The following RBMS1 variants were observed in gnomAD, a reference collection of about 807,000 sequenced individuals.
RBMS1 encodes the protein RNA binding motif single stranded interacting protein 1.
A neutral mutation model predicts 62.3 loss-of-function variants in RBMS1; 17 were observed. That is an observed-to-expected ratio of 0.27 (90% confidence interval 0.19 to 0.41). The LOEUF (loss-of-function observed/expected upper bound fraction) is 0.41, where lower values mean the gene tolerates loss of function less well. Ranked by LOEUF, RBMS1 falls within the 10% of genes least tolerant of loss-of-function variation. RBMS1 has a pLI of 1.00. For synonymous variants in RBMS1, 172 were observed against 170.0 expected (o/e 1.01, Z -0.09); for missense variants, 334 against 504.5 (o/e 0.66, Z 3.24).
intron 1 of RBMS1, among the ~76,000 whole-genome samples, chr2:160,423,468 G>A (rs1696516343): frequency 6.6e-6 from 1 of 152,020 alleles, no homozygotes; most frequent in Non-Finnish European, 1.5e-5. Context: ...TCCGTCAGTG[G>A]ACGTTTGCAC....
chr2:160,380,455 A>G (rs1694228162), intron 1 of RBMS1, among the ~76,000 whole-genome samples: 1 of 152,226 alleles, frequency 6.6e-6, no homozygotes, highest in African/African-American at 2.4e-5. Flanking sequence ...TAAACAGAAA[A>G]AAGCAGTAGC....
intron 3 of RBMS1, among the ~76,000 whole-genome samples, chr2:160,317,938 C>T (rs1437763342): frequency 1.3e-5 from 2 of 152,060 alleles, no homozygotes; most frequent in African/African-American, 4.8e-5. Context: ...ACTCTACTGG[C>T]GTCAAATCTG....
chr2:160,445,589 A>T (rs541566043), intron 1 of RBMS1, among the ~76,000 whole-genome samples: 85 of 152,336 alleles, frequency 5.6e-4, no homozygotes, highest in Non-Finnish European at 9.1e-4. Context: ...TAACTGTGGA[A>T]ATCAATACAG....
At chr2:160,300,558 G>A in intron 6 of RBMS1, 93 bp downstream of exon 6, 2 of 1,396,276 alleles carry the variant, frequency 1.4e-6, no homozygotes, top group African/African-American at 1.5e-5. Context: ...AGTGAAATGA[G>A]GGGTTTTTGT....
chr2:160,449,070 C>T (rs1253859657), intron 1 of RBMS1, among the ~76,000 whole-genome samples: 1 of 151,730 alleles, frequency 6.6e-6, no homozygotes, highest in Non-Finnish European at 1.5e-5. Context: ...GCTGCCCCGT[C>T]TGGGAAGTGA....
chr2:160,294,761 C>T (rs1295949753), intron 6 of RBMS1, among the ~76,000 whole-genome samples: 3 of 152,062 alleles, frequency 2.0e-5, no homozygotes, highest in South Asian at 2.1e-4. Context: ...TTAAATAAAC[C>T]GTCTTCTGAC....
chr2:160,377,212 A>C (rs1694047677), intron 1 of RBMS1, among the ~76,000 whole-genome samples: 1 of 152,206 alleles, frequency 6.6e-6, no homozygotes, highest in African/African-American at 2.4e-5. Context: ...TTTGTGAAAC[A>C]ATATTTTCCT....
rs1559621626 is a variant in RBMS1, at chr2:160,493,557, CTCCTCCTCCTCCTCT to C, written c.-209_-195del. 5 of 620,130 alleles carry C rather than the reference CTCCTCCTCCTCCTCT, an allele frequency of 8.1e-6. No individual in the cohort carries two copies. Among genetic ancestry groups the C allele is most frequent in the Admixed American group, 5.5e-5 (2 of 36,438 alleles). 38.4% of individuals were successfully genotyped at this position (620,130 alleles called of 1,614,324 possible). A position where few individuals can be genotyped will look rare whatever the true frequency, so the allele number is the denominator to read the frequency against. ...CCTCCTCCTCTTCCTCCTCCTCCTC[CTCCTCCTCCTCCTCT>C]TCCTCCTCCTCCTCCTCCTCCCAGG... On this transcript the variant is annotated 5_prime_UTR_variant, in exon 1 of 14. Coordinates refer to ENST00000348849, the MANE Select transcript of RBMS1 (RefSeq NM_016836.4).
chr2:160,481,770 TA>T (rs1685382226), intron 1 of RBMS1, among the ~76,000 whole-genome samples: 1 of 152,194 alleles, frequency 6.6e-6, no homozygotes, highest in African/African-American at 2.4e-5. Context: ...TCAACATCAC[TA>T]ATCATCAGGA....
intron 2 of RBMS1, among the ~76,000 whole-genome samples, chr2:160,350,281 T>C (rs1692425456): frequency 6.6e-6 from 1 of 152,076 alleles, no homozygotes; most frequent in Admixed American, 6.5e-5. Context: ...TCTGCTCCCA[T>C]CCAAGATCAT....
intron 1 of RBMS1, among the ~76,000 whole-genome samples, chr2:160,438,932 C>A (rs1574059268): frequency 6.7e-6 from 1 of 149,162 alleles, no homozygotes; most frequent in Non-Finnish European, 1.5e-5. Flanking sequence ...GCTGGCCGGG[C>A]AGAGGGGCTC....
rs578080397 is a variant in RBMS1, at chr2:160,421,361, T to C, written c.76-53970A>G. Among the ~76,000 whole-genome samples the C allele has an allele frequency of 1.0e-4, 15 of 150,382 alleles. No individual in the cohort carries two copies. In the East Asian group the frequency reaches 2.6e-3, roughly 26 times the overall value. On this transcript the variant is annotated intron_variant, in intron 1 of 13. Transcript: ENST00000348849. ...CCCTTCCTGTATCCAAGTGTTCTCATTGTTCAATTCCCACCTATGAGTGAG... is the reference window on the plus strand; with the variant it reads ...CCCTTCCTGTATCCAAGTGTTCTCACTGTTCAATTCCCACCTATGAGTGAG...
intron 1 of RBMS1, among the ~76,000 whole-genome samples, chr2:160,390,688 C>CAAAAA (rs34478081): frequency 4.9e-5 from 3 of 60,622 alleles, no homozygotes; most frequent in African/African-American, 1.2e-4. Flanking sequence ...GACCCAGTCT[C>CAAAAA]AAAAAAAAAA....
intron 11 of RBMS1, chr2:160,278,330 T>C (rs1191932712): frequency 1.7e-6 from 1 of 577,134 alleles, no homozygotes; most frequent in African/African-American, 1.9e-5. Flanking sequence ...GGGTGCTATA[T>C]TCTCGTAAAG....
chr2:160,447,001 ACTCC>A (rs1683681628), intron 1 of RBMS1, among the ~76,000 whole-genome samples: 1 of 152,236 alleles, frequency 6.6e-6, no homozygotes, highest in Non-Finnish European at 1.5e-5. Flanking sequence ...ACTAATGCTT[ACTCC>A]AGGCAGGCAG....
At chr2:160,466,368 ATTGATGC>A (rs2105338408) in intron 1 of RBMS1, among the ~76,000 whole-genome samples, 1 of 152,268 alleles carries the variant, frequency 6.6e-6, no homozygotes, top group South Asian at 2.1e-4. Context: ...TTTGCTTTCA[ATTGATGC>A]TTTGCCAAAC....
intron 1 of RBMS1, among the ~76,000 whole-genome samples, chr2:160,461,480 T>C (rs1312078152): frequency 1.3e-5 from 2 of 152,220 alleles, no homozygotes; most frequent in African/African-American, 4.8e-5. Context: ...TGACTTCCTG[T>C]CCCTTTCATT....
intron 4 of RBMS1, 60 bp downstream of exon 4, chr2:160,313,096 C>A: frequency 1.3e-6 from 2 of 1,513,678 alleles, no homozygotes; most frequent in Admixed American, 1.7e-5. Context: ...AAAAGCAGAC[C>A]TGTCGGGCTT....
At chr2:160,361,594 A>C (rs1693131665) in intron 2 of RBMS1, among the ~76,000 whole-genome samples, 1 of 152,228 alleles carries the variant, frequency 6.6e-6, no homozygotes, top group South Asian at 2.1e-4. Flanking sequence ...TTATGTTTAC[A>C]CTATATTGTA....
Sources: gnomAD v4.1 joint callset for allele counts (sites outside exome capture counted in the v4.1 genomes callset) on GRCh38, gnomAD v4.1.1 for gene constraint, MANE v1.5 for transcripts, NCBI Gene and HGNC (gene_info 2026-07-23, HGNC 2026-07-21) for gene names.